The following NOL11 variants were observed in gnomAD, a reference collection of about 807,000 sequenced individuals.
The protein encoded by NOL11 is nucleolar protein 11.
A neutral mutation model predicts 93.0 loss-of-function variants in NOL11; 42 were observed. That is an observed-to-expected ratio of 0.45 (90% CI 0.35 to 0.58). NOL11 has a LOEUF of 0.58. Among genes scored for constraint, NOL11 ranks in the 20% least tolerant of loss-of-function variants. The probability of loss-of-function intolerance (pLI) is 0.00; values close to 1 mark genes in which losing one functional copy is unlikely to be tolerated. For missense variants in NOL11, 775 were observed against 841.8 expected, an observed-to-expected ratio of 0.92 and a Z score of 0.98; for synonymous variants, 296 against 293.7, an observed-to-expected ratio of 1.01 and a Z score of -0.08.
chr17:67,737,850 G>C lies in NOL11; in HGVS notation c.1407G>C (p.Leu469Phe). The change falls in exon 13 of 18, where the codon TTG becomes TTC. Residue 469 changes from leucine (L) to phenylalanine (F), a missense_variant. Around this residue, in one of 2 missense-constraint regions of NOL11, gnomAD observed 416 missense variants for 525.2 expected, o/e 0.79. Transcript: ENST00000253247. ...LIQTHVLSYS[L>F]CPDLMEIALK... ...GATTCAGATTTTTTTGTCTTAGTTT[G>C]TGCCCCGACTTAATGGAGATTGCCT... 6.2e-7 allele frequency: 1 copy of C among 1,610,436 alleles called. No individual in the cohort carries two copies.
intron 8 of NOL11, 111 bp from the exon 9 acceptor site, chr17:67,735,789 T>C (rs2055195706): frequency 1.5e-6 from 1 of 670,650 alleles, no homozygotes; most frequent in Admixed American, 3.8e-5. Context: ...AGTTGCTTAC[T>C]TTGCCTCGTT....
At chr17:67,734,184 T>C (rs2055179923) in intron 7 of NOL11, among the ~76,000 whole-genome samples, 179 bp from the exon 8 acceptor site, 1 of 152,190 alleles carries the variant, frequency 6.6e-6, no homozygotes, top group African/African-American at 2.4e-5. Flanking sequence ...GGCTCACCTT[T>C]CCAGGCTTCT....
chr17:67,720,943 G>A lies in NOL11; in HGVS notation c.313-435G>A, dbSNP rs1042270828. On this transcript the variant is annotated intron_variant, in intron 3 of 17. Transcript: ENST00000253247. ...ACACAATCCTGAATTTTAAACAGTG[G>A]GGGTTTTTTTGTTGTTTTCCTCACA... is the stretch of plus-strand genomic sequence containing the variant. 3.3e-5 allele frequency among the ~76,000 whole-genome samples: 5 copies of A among 152,120 alleles called. 1 individual carries two copies. The East Asian group carries it at 9.6e-4, about 29-fold the overall frequency.
At chr17:67,725,760 A>G (rs563065304) in intron 6 of NOL11, among the ~76,000 whole-genome samples, 17 of 152,296 alleles carry the variant, frequency 1.1e-4, no homozygotes, top group African/African-American at 3.8e-4. Flanking sequence ...GCAATTTCAT[A>G]AGGTTTTCAG....
Position 67,722,491 on chromosome 17 carries a change from A to G in NOL11, c.462-89A>G, listed in dbSNP as rs2043224673. On this transcript the variant is annotated intron_variant, in intron 4 of 17. Coordinates refer to ENST00000253247, the MANE Select transcript of NOL11 (RefSeq NM_015462.5). The stretch of plus-strand genomic sequence containing the variant: ...TCTTTCTGGTTCTAAAAAATATTTA[A>G]TGAAAACTTTGATTAAATTTTGATT... 5 of 1,480,308 alleles carry G rather than the reference A, an allele frequency of 3.4e-6. No individual in the cohort carries two copies. In the South Asian group the frequency reaches 5.4e-5, roughly 16 times the overall value. The allele number at this position is 1,480,308 out of a possible 1,614,324, so 91.7% of individuals were successfully genotyped here. A position where few individuals can be genotyped will look rare whatever the true frequency, so the allele number is the denominator to read the frequency against.
Position 67,717,962 on chromosome 17 carries a change from GGAA to G in NOL11, c.19_21del (p.Glu7del). On this transcript the variant is annotated inframe_deletion, in exon 1 of 18. Transcript: ENST00000253247. ...GTTTGCTCAAAATGGCAGCGCTGGA[GGAA>G]GAATTCACGTTGTCTTCGGTAGTCC... 1 of 1,614,214 alleles carries G rather than the reference GGAA, an allele frequency of 6.2e-7. No homozygotes were observed.
chr17:67,721,629 C>T (rs2043218260), intron 4 of NOL11, 103 bp downstream of exon 4: 1 of 946,566 alleles, frequency 1.1e-6, no homozygotes, highest in Non-Finnish European at 1.6e-6. Flanking sequence ...ATGAAAGTAA[C>T]CTAATTAAAA....
intron 8 of NOL11, 123 bp from the exon 9 acceptor site, chr17:67,735,777 A>G (rs975276361): frequency 5.4e-6 from 3 of 556,906 alleles, no homozygotes; most frequent in African/African-American, 1.9e-5. Context: ...ATTCTTCTTG[A>G]AAGTTGCTTA....
chr17:67,727,761 C>T (rs9901995), intron 7 of NOL11, among the ~76,000 whole-genome samples: 3,785 of 151,222 alleles, frequency 0.025, 147 homozygotes, highest in African/African-American at 0.087. Context: ...GCCAGGAGTT[C>T]GAGACCAGCT....
intron 1 of NOL11, 98 bp from the exon 2 acceptor site, chr17:67,719,576 C>G (rs2043202010): frequency 1.5e-6 from 1 of 656,128 alleles, no homozygotes; most frequent in African/African-American, 1.9e-5. Context: ...TTTTTAAATG[C>G]TGTCATTTTA....
At chr17:67,728,953 A>G (rs2055125264) in intron 7 of NOL11, among the ~76,000 whole-genome samples, 2 of 152,094 alleles carry the variant, frequency 1.3e-5, no homozygotes, top group African/African-American at 4.8e-5. Context: ...AAATTTTGTA[A>G]TGCTCTTTTT....
chr17:67,735,794 C>T, intron 8 of NOL11, 106 bp from the exon 9 acceptor site: 1 of 721,640 alleles, frequency 1.4e-6, no homozygotes. Flanking sequence ...CTTACTTTGC[C>T]TCGTTTTTAA....
intron 1 of NOL11, chr17:67,719,171 G>A (rs1182492575): frequency 6.6e-6 from 1 of 152,100 alleles, no homozygotes; most frequent in Non-Finnish European, 1.5e-5. Flanking sequence ...GGCCCAGGTG[G>A]GTGGATCACT....
At chr17:67,723,948 A>G (rs2055061290) in intron 5 of NOL11, 101 bp from the exon 6 acceptor site, 1 of 742,876 alleles carries the variant, frequency 1.3e-6, no homozygotes, top group African/African-American at 1.8e-5. Context: ...TTAAGTACTC[A>G]TTGATGTAAG....
intron 11 of NOL11, 55 bp downstream of exon 11, chr17:67,737,200 C>T (rs541646910): frequency 6.8e-6 from 7 of 1,022,402 alleles, no homozygotes; most frequent in South Asian, 3.9e-5. Context: ...CCAAAGAAAT[C>T]GCATCTACTC....
chr17:67,740,126 A>G (rs1216811939), intron 16 of NOL11, among the ~76,000 whole-genome samples: 2 of 151,448 alleles, frequency 1.3e-5, no homozygotes, highest in African/African-American at 2.4e-5. Context: ...TCCCAGATAC[A>G]TGGGAGGCTG....
chr17:67,720,530 A>G, intron 3 of NOL11: 1 of 152,310 alleles, frequency 6.6e-6, no homozygotes, highest in South Asian at 2.1e-4. Flanking sequence ...TGAACTCCTG[A>G]CCTCAGATGA....
chr17:67,719,984 C>A, intron 3 of NOL11, 22 bp downstream of exon 3: 4 of 1,534,742 alleles, frequency 2.6e-6, no homozygotes, highest in Non-Finnish European at 3.5e-6. Flanking sequence ...AATTTTCCAA[C>A]ATATTTGTTT....
intron 7 of NOL11, among the ~76,000 whole-genome samples, chr17:67,728,824 C>T (rs1335453796): frequency 3.3e-5 from 5 of 152,086 alleles, no homozygotes; most frequent in Non-Finnish European, 4.4e-5. Context: ...AATATTTCAC[C>T]GAAGGGTGGC....
Sources: gnomAD v4.1 joint callset for allele counts (sites outside exome capture counted in the v4.1 genomes callset) on GRCh38, gnomAD v4.1.1 for gene constraint, gnomAD v4.1.1 regional missense constraint, MANE v1.5 for transcripts, NCBI Gene and HGNC (gene_info 2026-07-23, HGNC 2026-07-21) for gene names.